Variants in TTC27 observed in about 807,000 individuals in gnomAD.
The protein encoded by TTC27 is tetratricopeptide repeat domain 27.
TTC27 carries 79 observed loss-of-function variants against 115.9 expected under a neutral mutation model. That is an observed-to-expected ratio of 0.68 (90% confidence interval 0.57 to 0.82). TTC27 has a LOEUF of 0.82. TTC27 is among the 40% of genes least tolerant of loss of function. The probability of loss-of-function intolerance (pLI) is 0.00; values close to 1 mark genes in which losing one functional copy is unlikely to be tolerated. For synonymous variants in TTC27, 401 were observed against 356.0 expected (o/e 1.13, Z -1.42); for missense variants, 1,054 against 993.1 (o/e 1.06, Z -0.82).
Position 32,736,249 on chromosome 2 carries a change from G to A in TTC27, c.1330-445G>A, listed in dbSNP as rs1325049074. Among the ~76,000 whole-genome samples the A allele has an allele frequency of 2.6e-5, 4 of 152,138 alleles. 1 individual carries two copies. Among genetic ancestry groups the A allele is most frequent in the Non-Finnish European group, 5.9e-5 (4 of 68,010 alleles). On this transcript the variant is annotated intron_variant, in intron 11 of 19. Coordinates refer to ENST00000317907, the MANE Select transcript of TTC27 (RefSeq NM_017735.5). ...AATAAATCTAAGTAGCTTTGAGTGA[G>A]AAAGAGCTAGATATGCCCTTCTGAA...
intron 9 of TTC27, among the ~76,000 whole-genome samples, chr2:32,690,727 G>A (rs1666781968): frequency 6.6e-6 from 1 of 152,180 alleles, no homozygotes; most frequent in Admixed American, 6.5e-5. Context: ...ACCTAGCAAG[G>A]ATAGGGGATT....
chr2:32,723,673 T>C (rs1461034771), intron 10 of TTC27, among the ~76,000 whole-genome samples: 1 of 150,354 alleles, frequency 6.7e-6, no homozygotes, highest in Non-Finnish European at 1.5e-5. Context: ...TAGTAGCTAA[T>C]TATTGTTAGA....
intron 16 of TTC27, among the ~76,000 whole-genome samples, chr2:32,807,608 A>C (rs994653356): frequency 6.6e-6 from 1 of 152,206 alleles, no homozygotes; most frequent in South Asian, 2.1e-4. Context: ...GAAAATTAGT[A>C]TTATAGGATA....
chr2:32,653,651 G>A (rs1231277956), intron 5 of TTC27, among the ~76,000 whole-genome samples: 1 of 151,132 alleles, frequency 6.6e-6, no homozygotes, highest in East Asian at 1.9e-4. Flanking sequence ...ACGTGCGTAC[G>A]TTGATTTCTT....
chr2:32,815,499 A>G (rs1671473756), intron 18 of TTC27, among the ~76,000 whole-genome samples: 1 of 151,974 alleles, frequency 6.6e-6, no homozygotes, highest in African/African-American at 2.4e-5. Flanking sequence ...AGCCTCCCAA[A>G]GTGCTGGCAG....
chr2:32,811,086 A>C lies in TTC27; in HGVS notation c.2061A>C (p.Ala687=). The change falls in exon 17 of 20, where the codon GCA becomes GCC. Residue 687 remains alanine (A), a synonymous_variant. Coordinates refer to ENST00000317907, the MANE Select transcript of TTC27 (RefSeq NM_017735.5). ...DGMTDRSGDV[A]TGLKGKLQEL... is the part of the protein sequence containing the mutation. ...TGACTGATCGAAGTGGAGATGTTGC[A>C]ACTGGCCTCAAAGGAAAGCTGCAGG... 1 of 1,614,192 alleles carries C rather than the reference A, an allele frequency of 6.2e-7. No individual in the cohort carries two copies. Among genetic ancestry groups the C allele is most frequent in the Non-Finnish European group, 8.5e-7 (1 of 1,180,026 alleles).
chr2:32,695,026 A>G (rs775472092), intron 9 of TTC27, among the ~76,000 whole-genome samples: 5 of 152,068 alleles, frequency 3.3e-5, no homozygotes, highest in Non-Finnish European at 2.9e-5. Context: ...TGTAAAATAC[A>G]TATTTTTTTA....
chr2:32,701,548 T>C (rs2151900348), intron 9 of TTC27, among the ~76,000 whole-genome samples: 1 of 152,134 alleles, frequency 6.6e-6, no homozygotes, highest in African/African-American at 2.4e-5. Flanking sequence ...TGTAAGGGGG[T>C]TGGTCTATAT....
intron 13 of TTC27, among the ~76,000 whole-genome samples, chr2:32,771,438 A>G (rs562860534): frequency 6.4e-4 from 97 of 152,352 alleles, no homozygotes; most frequent in African/African-American, 2.3e-3. Context: ...TGCATTGTGA[A>G]TTATTTGAAA....
Position 32,796,519 on chromosome 2 carries a change from T to C in TTC27, c.1998+9370T>C, listed in dbSNP as rs76049002. On this transcript the variant is annotated intron_variant, in intron 16 of 19. Coordinates refer to ENST00000317907, the MANE Select transcript of TTC27 (RefSeq NM_017735.5). ...ATTATAAGAGAATATTGTGAACAAG[T>C]GTATGCCAACAAAGTGGATAACCTA... Among the ~76,000 whole-genome samples the C allele has an allele frequency of 8.5e-5, 13 of 152,296 alleles. No homozygotes were observed. In the East Asian group the frequency reaches 2.5e-3, roughly 29 times the overall value.
intron 5 of TTC27, among the ~76,000 whole-genome samples, chr2:32,657,499 G>A (rs887546878): frequency 2.6e-5 from 4 of 151,774 alleles, no homozygotes; most frequent in South Asian, 2.1e-4. Flanking sequence ...GACTACAGGC[G>A]CCTGCCACCA....
intron 10 of TTC27, among the ~76,000 whole-genome samples, chr2:32,724,141 G>T (rs571964107): frequency 1.9e-4 from 29 of 152,050 alleles, no homozygotes; most frequent in African/African-American, 7.0e-4. Context: ...CACTAAGCAG[G>T]GTCCCCTGGA....
At chr2:32,728,207 AT>A (rs1668174884) in intron 10 of TTC27, among the ~76,000 whole-genome samples, 1 of 151,532 alleles carries the variant, frequency 6.6e-6, no homozygotes, top group African/African-American at 2.4e-5. Context: ...CGCCCGGCTA[AT>A]TTTTTTGTAT....
At chr2:32,775,969 A>G (rs1669984468) in intron 13 of TTC27, among the ~76,000 whole-genome samples, 1 of 152,170 alleles carries the variant, frequency 6.6e-6, no homozygotes, top group African/African-American at 2.4e-5. Context: ...AGCTCTTTTC[A>G]TTTAATTTTA....
intron 9 of TTC27, among the ~76,000 whole-genome samples, chr2:32,695,529 G>C (rs558112051): frequency 6.6e-6 from 1 of 151,890 alleles, no homozygotes; most frequent in Non-Finnish European, 1.5e-5. Flanking sequence ...GACCAGCCTG[G>C]CCAATATGGT....
At chr2:32,705,276 A>G (rs1362267885) in intron 10 of TTC27, among the ~76,000 whole-genome samples, 1 of 152,138 alleles carries the variant, frequency 6.6e-6, no homozygotes, top group Non-Finnish European at 1.5e-5. Context: ...CTGAGGCTTC[A>G]TCAGTAGCTG....
intron 4 of TTC27, among the ~76,000 whole-genome samples, chr2:32,642,028 T>A (rs1379908877): frequency 6.6e-6 from 1 of 151,846 alleles, no homozygotes; most frequent in Non-Finnish European, 1.5e-5. Flanking sequence ...GCTCATCTTT[T>A]GTATTTTTAG....
intron 7 of TTC27, 33 bp downstream of exon 7, chr2:32,666,801 A>G (rs1665795051): frequency 6.2e-7 from 1 of 1,606,162 alleles, no homozygotes; most frequent in Non-Finnish European, 8.5e-7. Flanking sequence ...AAATTCAATT[A>G]ACACCTGAGT....
intron 5 of TTC27, among the ~76,000 whole-genome samples, chr2:32,661,889 A>T (rs1019180113): frequency 3.3e-5 from 5 of 152,120 alleles, no homozygotes; most frequent in Non-Finnish European, 7.4e-5. Context: ...ATTCAGTATG[A>T]TATTGGCTGT....
Sources: allele counts gnomAD v4.1 joint callset (sites outside exome capture counted in the v4.1 genomes callset), GRCh38; gene constraint gnomAD v4.1.1; transcripts MANE v1.5; gene names NCBI Gene and HGNC (gene_info 2026-07-23, HGNC 2026-07-21).